Variants in BNC2 observed in about 807,000 individuals in gnomAD.
BNC2 encodes basonuclin zinc finger protein 2.
Under a neutral mutation model 76.3 loss-of-function variants are expected in BNC2, and 20 were observed. The observed-to-expected ratio is 0.26, with a 90% confidence interval of 0.18 to 0.38. The LOEUF is 0.38. BNC2 is among the 10% of genes least tolerant of loss of function. The pLI is 1.00. For missense variants in BNC2, 1,382 were observed against 1,399.8 expected (o/e 0.99, Z 0.20); for synonymous variants, 582 against 514.8 (o/e 1.13, Z -1.77).
At chr9:16,655,326 A>C (rs1821899113) in intron 3 of BNC2, among the ~76,000 whole-genome samples, 1 of 152,176 alleles carries the variant, frequency 6.6e-6, no homozygotes, top group African/African-American at 2.4e-5. Context: ...GACAGTGCTT[A>C]TTGCTAAATC....
rs547484829 is a variant in BNC2 at position 16,787,844 on chromosome 9, C to G, written c.4-49359G>C. Among the ~76,000 whole-genome samples the G allele has an allele frequency of 2.0e-5, 3 of 152,268 alleles. No homozygotes were observed. In the East Asian group the frequency reaches 5.8e-4, roughly 29 times the overall value. On this transcript the variant is annotated intron_variant, in intron 1 of 6. Coordinates refer to ENST00000380672, the MANE Select transcript of BNC2 (RefSeq NM_017637.6). The stretch of plus-strand genomic sequence containing the variant: ...AGGATTAGAAGCATGAGCCAACGCG[C>G]CCTGCCCTTAGACAATATTAATCAA...
chr9:16,528,075 G>A (rs1199710358), intron 5 of BNC2, among the ~76,000 whole-genome samples: 1 of 152,178 alleles, frequency 6.6e-6, no homozygotes, highest in East Asian at 1.9e-4. Context: ...TGGAAGTGAG[G>A]AAAGATTGAA....
chr9:16,445,365 T>C (rs776708030), intron 5 of BNC2, among the ~76,000 whole-genome samples: 12 of 152,206 alleles, frequency 7.9e-5, no homozygotes, highest in Non-Finnish European at 1.6e-4. Flanking sequence ...TTTATGTGAC[T>C]GTGCTTTTCC....
chr9:16,587,130 A>G (rs1296784624), intron 3 of BNC2, among the ~76,000 whole-genome samples: 2 of 152,104 alleles, frequency 1.3e-5, no homozygotes, highest in East Asian at 3.9e-4. Context: ...AACTTACCTA[A>G]AGTCAATCAA....
chr9:16,585,754 G>A (rs1255582292), intron 3 of BNC2, among the ~76,000 whole-genome samples: 1 of 152,094 alleles, frequency 6.6e-6, no homozygotes, highest in Non-Finnish European at 1.5e-5. Flanking sequence ...CCTCAAAAAT[G>A]TACATGCATT....
chr9:16,860,219 C>G (rs2136202594), intron 1 of BNC2, among the ~76,000 whole-genome samples: 1 of 152,124 alleles, frequency 6.6e-6, no homozygotes, highest in African/African-American at 2.4e-5. Flanking sequence ...CTAAGAATGG[C>G]TAAAACAATC....
At chr9:16,866,789 C>G (rs866078705) in intron 1 of BNC2, among the ~76,000 whole-genome samples, 2 of 151,612 alleles carry the variant, frequency 1.3e-5, no homozygotes, top group Admixed American at 6.6e-5. Context: ...TTAAGTATAT[C>G]TAATAAAATC....
intron 3 of BNC2, among the ~76,000 whole-genome samples, chr9:16,610,398 C>T (rs529343967): frequency 2.6e-5 from 4 of 152,150 alleles, no homozygotes; most frequent in South Asian, 2.1e-4. Flanking sequence ...AGAAGGAATC[C>T]GAGGTTCCCA....
intron 1 of BNC2, among the ~76,000 whole-genome samples, chr9:16,819,848 G>C (rs1446958448): frequency 6.6e-6 from 1 of 151,884 alleles, no homozygotes; most frequent in East Asian, 1.9e-4. Context: ...CAATAGGCCA[G>C]GTGTAGTGGC....
chr9:16,863,555 C>A (rs1001956738), intron 1 of BNC2, among the ~76,000 whole-genome samples: 17 of 152,202 alleles, frequency 1.1e-4, no homozygotes, highest in Admixed American at 7.2e-4. Context: ...ATTAGCCAAG[C>A]GCAGTGGCGC....
chr9:16,730,548 T>G (rs1467830471), intron 2 of BNC2, among the ~76,000 whole-genome samples: 1 of 152,082 alleles, frequency 6.6e-6, no homozygotes, highest in African/African-American at 2.4e-5. Flanking sequence ...TCATAAACTC[T>G]CTCCTAGAAA....
intron 5 of BNC2, among the ~76,000 whole-genome samples, chr9:16,504,172 C>T (rs1822577964): frequency 6.6e-6 from 1 of 151,998 alleles, no homozygotes; most frequent in South Asian, 2.1e-4. Context: ...TATTTTCCTA[C>T]ACTGTATGTG....
chr9:16,819,432 C>G (rs552679054), intron 1 of BNC2, among the ~76,000 whole-genome samples: 70 of 152,214 alleles, frequency 4.6e-4, no homozygotes, highest in African/African-American at 1.7e-3. Context: ...GAAGGCCAAG[C>G]TGGGTGGATC....
intron 1 of BNC2, among the ~76,000 whole-genome samples, chr9:16,759,987 T>C (rs1825506375): frequency 6.6e-6 from 1 of 152,172 alleles, no homozygotes; most frequent in Admixed American, 6.5e-5. Context: ...CCTCCCAAAG[T>C]GCTGGGATTA....
At chr9:16,842,540 G>A (rs1012551484) in intron 1 of BNC2, among the ~76,000 whole-genome samples, 1 of 152,118 alleles carries the variant, frequency 6.6e-6, no homozygotes, top group African/African-American at 2.4e-5. Flanking sequence ...TGACGAAAGC[G>A]TTCTAGAACT....
At chr9:16,713,420 T>C (rs1823905385) in intron 3 of BNC2, among the ~76,000 whole-genome samples, 1 of 148,876 alleles carries the variant, frequency 6.7e-6, no homozygotes, top group African/African-American at 2.5e-5. Flanking sequence ...GGATAACCTG[T>C]AGAAAACCAG....
At chr9:16,523,368 G>A (rs1817680885) in intron 5 of BNC2, among the ~76,000 whole-genome samples, 1 of 151,676 alleles carries the variant, frequency 6.6e-6, no homozygotes, top group Admixed American at 6.6e-5. Flanking sequence ...CTACTTGGGA[G>A]GCTAAGGCAG....
intron 6 of BNC2, chr9:16,429,316 A>G (rs187510357): frequency 9.3e-4 from 141 of 152,358 alleles, no homozygotes; most frequent in African/African-American, 3.2e-3. Flanking sequence ...TATACAAGTG[A>G]ATGTTAACGT....
intron 3 of BNC2, among the ~76,000 whole-genome samples, chr9:16,662,597 A>G (rs1822141463): frequency 6.6e-6 from 1 of 152,138 alleles, no homozygotes; most frequent in African/African-American, 2.4e-5. Flanking sequence ...TTAGCTGAAC[A>G]TGGTGGTGCA....
Sources: gnomAD v4.1 joint callset for allele counts (sites outside exome capture counted in the v4.1 genomes callset) on GRCh38, gnomAD v4.1.1 for gene constraint, MANE v1.5 for transcripts, NCBI Gene and HGNC (gene_info 2026-07-23, HGNC 2026-07-21) for gene names.